MINDY4B: variants seen among roughly 807,000 people sequenced by gnomAD.
MINDY4B encodes MINDY family member 4B.
A neutral mutation model predicts 16.7 loss-of-function variants in MINDY4B; 25 were observed. The ratio of observed to expected loss-of-function variants is 1.49; its 90% CI spans 1.09 to 2.09. The LOEUF (loss-of-function observed/expected upper bound fraction) is 2.09, where lower values mean the gene tolerates loss of function less well. MINDY4B is among the 30% of genes most tolerant of loss of function. The pLI, the probability that MINDY4B is intolerant of heterozygous loss-of-function variation, is 0.00. For synonymous variants in MINDY4B, 132 were observed against 61.9 expected, an observed-to-expected ratio of 2.13 and a Z score of -5.32; for missense variants, 327 against 168.4, an observed-to-expected ratio of 1.94 and a Z score of -5.21.
rs1716954870 is a variant in MINDY4B at position 150,871,092 on chromosome 3, A to G, written c.1336T>C (p.Trp446Arg). 1.4e-6 allele frequency: 1 copy of G among 702,844 alleles called. No individual in the cohort carries two copies. The highest frequency in any genetic ancestry group is 2.6e-6 in the Non-Finnish European group (1 of 384,852). The allele number at this position is 702,844 out of a possible 1,614,324, so 43.5% of individuals were successfully genotyped here. ...SPVEMAIRTKWSEATINWNGT... is the reference protein window; with the variant it reads ...SPVEMAIRTKRSEATINWNGT... ...TTCCAGTTGATGGTGGCCTCGCTCC[A>G]CTTGGTTCTGATTGCCATCTCCACT... Residue 446 changes from tryptophan (W) to arginine (R), a missense_variant, in exon 12 of 12, where the codon TGG becomes CGG. Physicochemically the swap from Trp to Arg is moderately radical, Grantham distance 101. Transcript: ENST00000465419.
At chr3:150,890,461 T>C (rs1208427177) in intron 6 of MINDY4B, 76 bp from the exon 7 acceptor site, 27 of 520,896 alleles carry the variant, frequency 5.2e-5, no homozygotes, top group Admixed American at 1.5e-4. Context: ...CTCACTGTTA[T>C]TACCACAAGT....
chr3:150,893,695 T>C (rs931642557), intron 4 of MINDY4B, among the ~76,000 whole-genome samples: 3 of 43,716 alleles, frequency 6.9e-5, no homozygotes, highest in African/African-American at 1.1e-4. Context: ...TAGTTTTTTT[T>C]TGGGGGGGGG....
intron 3 of MINDY4B, among the ~76,000 whole-genome samples, chr3:150,900,328 G>A (rs1003498280): frequency 3.9e-5 from 6 of 152,348 alleles, no homozygotes; most frequent in African/African-American, 1.4e-4. Flanking sequence ...AAGAGACAGT[G>A]TGTGCCAATG....
At chr3:150,899,692 C>T (rs1712064701) in intron 3 of MINDY4B, among the ~76,000 whole-genome samples, 1 of 152,124 alleles carries the variant, frequency 6.6e-6, no homozygotes, top group South Asian at 2.1e-4. Flanking sequence ...CTCTACTGGG[C>T]AGAGGGTAGG....
intron 7 of MINDY4B, among the ~76,000 whole-genome samples, chr3:150,886,558 T>C (rs1711628089): frequency 6.6e-6 from 1 of 152,356 alleles, no homozygotes; most frequent in South Asian, 2.1e-4. Context: ...ATTTATTATC[T>C]CACCGTTCTG....
At chr3:150,873,103 A>C (rs1249025342) in intron 11 of MINDY4B, 84 bp downstream of exon 11, 1 of 610,980 alleles carries the variant, frequency 1.6e-6, no homozygotes, top group Non-Finnish European at 2.9e-6. Context: ...GCTAGCATGA[A>C]TATCCACACA....
intron 4 of MINDY4B, among the ~76,000 whole-genome samples, chr3:150,893,809 G>A (rs764004313): frequency 6.6e-6 from 1 of 151,630 alleles, no homozygotes; most frequent in Non-Finnish European, 1.5e-5. Context: ...TCCTACCTTA[G>A]CCTCCCGAGT....
At chr3:150,886,258 G>C (rs1279654775) in intron 7 of MINDY4B, among the ~76,000 whole-genome samples, 1 of 152,162 alleles carries the variant, frequency 6.6e-6, no homozygotes, top group African/African-American at 2.4e-5. Flanking sequence ...TGGCTTTCTA[G>C]GTGCAGAGTT....
chr3:150,899,724 A>C (rs1171437846), intron 3 of MINDY4B, among the ~76,000 whole-genome samples: 1 of 152,110 alleles, frequency 6.6e-6, no homozygotes, highest in Non-Finnish European at 1.5e-5. Context: ...TGGACCATGC[A>C]TCTGGAGGGG....
chr3:150,881,070 T>C (rs1331413223), intron 10 of MINDY4B, among the ~76,000 whole-genome samples: 2 of 152,170 alleles, frequency 1.3e-5, no homozygotes, highest in Admixed American at 6.5e-5. Flanking sequence ...ATCCACACAA[T>C]AGAACTCTTT....
At chr3:150,881,213 A>G (rs548243527) in intron 10 of MINDY4B, among the ~76,000 whole-genome samples, 17 of 151,580 alleles carry the variant, frequency 1.1e-4, no homozygotes, top group South Asian at 2.1e-4. Context: ...CGAAAATCCT[A>G]TCTCTACTAA....
At chr3:150,876,788 A>G (rs566028696) in intron 10 of MINDY4B, among the ~76,000 whole-genome samples, 22 of 152,294 alleles carry the variant, frequency 1.4e-4, no homozygotes, top group African/African-American at 5.3e-4. Flanking sequence ...CTGAAAAATC[A>G]GAGTGGATTT....
At chr3:150,886,133 A>G (rs979149374) in intron 7 of MINDY4B, among the ~76,000 whole-genome samples, 11 of 152,262 alleles carry the variant, frequency 7.2e-5, no homozygotes, top group African/African-American at 2.6e-4. Context: ...GTGCCTTGCA[A>G]TCTCTAGGAT....
chr3:150,894,917 G>A (rs1711922524), intron 3 of MINDY4B, among the ~76,000 whole-genome samples: 1 of 152,218 alleles, frequency 6.6e-6, no homozygotes, highest in African/African-American at 2.4e-5. Flanking sequence ...CCACAGCTAT[G>A]TACAAGACAG....
rs1711872895 is a variant in MINDY4B, at chr3:150,893,502, A to G, written c.430-87T>C. The G allele has an allele frequency of 8.6e-6, 6 of 698,078 alleles. No individual in the cohort carries two copies. In the East Asian group the frequency reaches 1.3e-4, roughly 16 times the overall value. The allele number at this position is 698,078 out of a possible 1,614,324, so 43.2% of individuals were successfully genotyped here. ...TCTCTGCAGGCTTTTCCCTCCTGGT[A>G]TCCCCCAGAGCTTTGTGAAGGGACA... On this transcript the variant is annotated intron_variant, in intron 4 of 11. Transcript: ENST00000465419.
intron 10 of MINDY4B, among the ~76,000 whole-genome samples, chr3:150,879,452 G>A (rs1711503733): frequency 6.6e-6 from 1 of 152,182 alleles, no homozygotes; most frequent in African/African-American, 2.4e-5. Context: ...TTTCAGTGCT[G>A]CAGAGGTTGA....
At chr3:150,874,005 ATTTTTTTTTTTT>A (rs558319330) in intron 10 of MINDY4B, among the ~76,000 whole-genome samples, 13 of 81,988 alleles carry the variant, frequency 1.6e-4, no homozygotes, top group Non-Finnish European at 2.5e-4. Context: ...TTTAGCCTTG[ATTTTTTTTTTTT>A]TTTTTTTTTT....
At position 150,885,567 on chromosome 3, in the gene MINDY4B, C is replaced by T. The variant is rs148554132; in HGVS notation, c.754-129G>A. 2,241 of 643,746 alleles carry T rather than the reference C, an allele frequency of 3.5e-3. 48 individuals carry two copies. The African/African-American group carries it at 0.037, about 11-fold the overall frequency. The allele number at this position is 643,746 out of a possible 1,614,324, so 39.9% of individuals were successfully genotyped here. ...CCCTGGCTGCTGAAAGGAATGAGCT[C>T]CTCTGCCTCCATAAGTCTTCCTACT... is the stretch of plus-strand genomic sequence containing the variant. On this transcript the variant is annotated intron_variant, in intron 7 of 11. Coordinates refer to ENST00000465419, the MANE Select transcript of MINDY4B (RefSeq NM_001351281.2).
chr3:150,897,452 C>G lies in MINDY4B; in HGVS notation c.310-3147G>C, dbSNP rs1293044000. On this transcript the variant is annotated intron_variant, in intron 3 of 11. Transcript: ENST00000465419. Reference sequence around the variant, plus strand: ...CCTGGATAACTTTGAATATCATATTCAGGCACTTGCAGCCAGTCAAAGAGT... The same window carrying G: ...CCTGGATAACTTTGAATATCATATTGAGGCACTTGCAGCCAGTCAAAGAGT... 2.6e-5 allele frequency among the ~76,000 whole-genome samples: 4 copies of G among 151,922 alleles called. No individual in the cohort carries two copies. The South Asian group carries it at 8.3e-4, about 32-fold the overall frequency.
Sources: gnomAD v4.1 joint callset for allele counts (sites outside exome capture counted in the v4.1 genomes callset) on GRCh38, gnomAD v4.1.1 for gene constraint, MANE v1.5 for transcripts, NCBI Gene and HGNC (gene_info 2026-07-23, HGNC 2026-07-21) for gene names.